TMEM97: variants seen among roughly 807,000 people sequenced by gnomAD.
TMEM97 encodes the protein transmembrane protein 97.
TMEM97 carries 13 observed loss-of-function variants against 18.3 expected under a neutral mutation model. The ratio of observed to expected loss-of-function variants is 0.71; its 90% confidence interval spans 0.46 to 1.13. The LOEUF (loss-of-function observed/expected upper bound fraction) is 1.13, where lower values mean the gene tolerates loss of function less well. Among genes scored for constraint, TMEM97 ranks in the 50% most tolerant of loss-of-function variants. TMEM97 has a pLI of 0.00. For synonymous variants in TMEM97, 76 were observed against 85.3 expected, an observed-to-expected ratio of 0.89 and a Z score of 0.60; for missense variants, 205 against 210.5, an observed-to-expected ratio of 0.97 and a Z score of 0.16.
rs782421030 is a variant in TMEM97, at chr17:28,326,701, T to C, written c.439T>C (p.Tyr147His). The C allele has an allele frequency of 2.5e-6, 4 of 1,614,146 alleles. No homozygotes were observed. The highest frequency in any genetic ancestry group is 3.4e-6 in the Non-Finnish European group (4 of 1,180,026). ...TGAACGGTTAACCCTTGTGTCTGTCTATGCCCCCTACTTACTCATCCCATT... is the reference window on the plus strand; with the variant it reads ...TGAACGGTTAACCCTTGTGTCTGTCCATGCCCCCTACTTACTCATCCCATT... ...LHERLTLVSV[Y>H]APYLLIPFIL... Residue 147 changes from tyrosine to histidine, a missense_variant, in exon 3 of 3, where the codon TAT becomes CAT. Transcript: ENST00000226230.
chr17:28,328,383 AAAAG>A lies in TMEM97; in HGVS notation c.*1591_*1594del, dbSNP rs1906464465. 2.9e-6 allele frequency: 1 copy of A among 343,784 alleles called. No homozygotes were observed. 21.3% of individuals were successfully genotyped at this position (343,784 alleles called of 1,614,324 possible). On this transcript the variant is annotated 3_prime_UTR_variant, in exon 3 of 3. Coordinates refer to ENST00000226230, the MANE Select transcript of TMEM97 (RefSeq NM_014573.3). ...TCCAAAGCTTTGTGAATTTACAAAA[AAAAG>A]GATGAAAGTTTACAAACTGCTTAGT...
At chr17:28,321,407 G>A (rs1252274254) in intron 1 of TMEM97, among the ~76,000 whole-genome samples, 1 of 152,136 alleles carries the variant, frequency 6.6e-6, no homozygotes, top group African/African-American at 2.4e-5. Context: ...ATATCATAAA[G>A]ATCCCATTTA....
At chr17:28,325,698 A>C in intron 2 of TMEM97, 51 bp downstream of exon 2, 1 of 1,610,918 alleles carries the variant, frequency 6.2e-7, no homozygotes, top group Non-Finnish European at 8.5e-7. Context: ...CAGGTCCCAG[A>C]AATCTTTTGG....
chr17:28,320,117 A>G (rs1170106665), intron 1 of TMEM97, among the ~76,000 whole-genome samples: 3 of 152,066 alleles, frequency 2.0e-5, no homozygotes, highest in Admixed American at 2.0e-4. Flanking sequence ...ACCTTCTTCC[A>G]TGGAATTCCT....
At chr17:28,322,229 T>C (rs1356907721) in intron 1 of TMEM97, among the ~76,000 whole-genome samples, 16 of 151,866 alleles carry the variant, frequency 1.1e-4, no homozygotes, top group Admixed American at 9.9e-4. Context: ...TTTATTTACT[T>C]TTTGTTTTTC....
intron 1 of TMEM97, 111 bp downstream of exon 1, chr17:28,319,476 G>T: frequency 4.5e-6 from 6 of 1,332,158 alleles, no homozygotes; most frequent in Non-Finnish European, 5.9e-6. Flanking sequence ...GCCTCTCTCG[G>T]GTCCTGCCCA....
rs918147520 is a variant in TMEM97, at chr17:28,319,473, T to G, written c.126+108T>G. ...GCACTCTGGGTTCCAGTTGCCTCTC[T>G]CGGGTCCTGCCCATGCCTCCCCCGC... On this transcript the variant is annotated intron_variant, in intron 1 of 2. Transcript: ENST00000226230. 7.4e-6 allele frequency: 10 copies of G among 1,351,790 alleles called. No homozygotes were observed. In the African/African-American group the frequency reaches 1.4e-4, roughly 18 times the overall value. The allele number at this position is 1,351,790 out of a possible 1,614,324, so 83.7% of individuals were successfully genotyped here. A position where few individuals can be genotyped will look rare whatever the true frequency, so the allele number is the denominator to read the frequency against.
chr17:28,325,610 G>C lies in TMEM97; in HGVS notation c.234G>C (p.Leu78=), dbSNP rs1906303133. 2 of 1,614,114 alleles carry C rather than the reference G, an allele frequency of 1.2e-6. No individual in the cohort carries two copies. The highest frequency in any genetic ancestry group is 1.3e-5 in the African/African-American group (1 of 74,936). The change falls in exon 2 of 3, where the codon CTG becomes CTC. Residue 78 remains leucine, a synonymous_variant. Coordinates refer to ENST00000226230, the MANE Select transcript of TMEM97 (RefSeq NM_014573.3). The part of the protein sequence containing the change: ...SFLFCELVFQ[L]PFFPIATYAF... ...TGTTTTGCGAGCTTGTGTTTCAGCT[G>C]CCTTTCTTTCCCATTGCAACGTATG... is the stretch of plus-strand genomic sequence containing the variant.
chr17:28,325,638 T>C lies in TMEM97; in HGVS notation c.262T>C (p.Phe88Leu), dbSNP rs782807447. 1.2e-6 allele frequency: 2 copies of C among 1,614,154 alleles called. No homozygotes were observed. Among genetic ancestry groups the C allele is most frequent in the South Asian group, 1.1e-5 (1 of 91,066 alleles). Residue 88 changes from phenylalanine to leucine, a missense_variant, in exon 2 of 3, where the codon TTC becomes CTC. Phe to Leu is a conservative substitution (Grantham distance 22, BLOSUM62 0). Coordinates refer to ENST00000226230, the MANE Select transcript of TMEM97 (RefSeq NM_014573.3). ...LPFFPIATYAFLKGSCKWIRT... is the reference protein window; with the variant it reads ...LPFFPIATYALLKGSCKWIRT... ...TTTCTTTCCCATTGCAACGTATGCC[T>C]TCCTCAAAGGTTGGTAAATGGTGGG...
intron 1 of TMEM97, among the ~76,000 whole-genome samples, chr17:28,323,181 A>G (rs567684196): frequency 2.0e-5 from 3 of 152,170 alleles, no homozygotes; most frequent in Non-Finnish European, 4.4e-5. Flanking sequence ...CCTACTCACA[A>G]TTAGTCCCAG....
intron 2 of TMEM97, chr17:28,325,910 A>G (rs1906315885): frequency 2.0e-6 from 1 of 495,050 alleles, no homozygotes; most frequent in African/African-American, 1.9e-5. Context: ...CACTTAAACA[A>G]TGAGCTTGTT....
intron 1 of TMEM97, among the ~76,000 whole-genome samples, chr17:28,325,244 AT>A (rs1906286216): frequency 6.6e-6 from 1 of 152,208 alleles, no homozygotes; most frequent in Non-Finnish European, 1.5e-5. Flanking sequence ...TTATGAACAG[AT>A]TCTGGGTAAC....
Position 28,328,010 on chromosome 17 carries a change from T to C in TMEM97, c.*1217T>C, listed in dbSNP as rs536121098. 3.3e-5 allele frequency: 5 copies of C among 152,740 alleles called. No homozygotes were observed. Among genetic ancestry groups the C allele is most frequent in the Non-Finnish European group, 7.3e-5 (5 of 68,142 alleles). The allele number at this position is 152,740 out of a possible 1,614,324, so 9.5% of individuals were successfully genotyped here. On this transcript the variant is annotated 3_prime_UTR_variant, in exon 3 of 3. Transcript: ENST00000226230. ...GGTGGCTACAGCCAGGCATAACATA[T>C]CCACTGTGTGCATAGAGGGTCTCTT...
chr17:28,324,331 A>C lies in TMEM97; in HGVS notation c.127-1172A>C, dbSNP rs1238315702. On this transcript the variant is annotated intron_variant, in intron 1 of 2. Coordinates refer to ENST00000226230, the MANE Select transcript of TMEM97 (RefSeq NM_014573.3). ...TAGCCAAAGCCTTTCTGAAATTAATAATATGCTAACAGGATATTTGTTTCT... is the reference window on the plus strand; with the variant it reads ...TAGCCAAAGCCTTTCTGAAATTAATCATATGCTAACAGGATATTTGTTTCT... 4.6e-5 allele frequency among the ~76,000 whole-genome samples: 7 copies of C among 152,254 alleles called. No homozygotes were observed. The East Asian group carries it at 1.3e-3, about 29-fold the overall frequency.
intron 1 of TMEM97, 43 bp from the exon 2 acceptor site, chr17:28,325,460 A>G (rs1906294561): frequency 6.2e-7 from 1 of 1,605,560 alleles, no homozygotes; most frequent in Admixed American, 1.7e-5. Flanking sequence ...GAGCCTGTTG[A>G]GGGCAAGTGG....
Position 28,326,965 on chromosome 17 carries a change from T to C in TMEM97, c.*172T>C. ...CATGTCAAACCCTCACCTTCTTCCA[T>C]TTTTTTTTTTTTTTTAAGACAGTCT... On this transcript the variant is annotated 3_prime_UTR_variant, in exon 3 of 3. Coordinates refer to ENST00000226230, the MANE Select transcript of TMEM97 (RefSeq NM_014573.3). 5.2e-6 allele frequency: 1 copy of C among 191,126 alleles called. No individual in the cohort carries two copies. Among genetic ancestry groups the C allele is most frequent in the Non-Finnish European group, 9.2e-6 (1 of 108,206 alleles). 11.8% of individuals were successfully genotyped at this position (191,126 alleles called of 1,614,324 possible).
At chr17:28,320,348 A>G (rs1906095244) in intron 1 of TMEM97, among the ~76,000 whole-genome samples, 1 of 152,174 alleles carries the variant, frequency 6.6e-6, no homozygotes. Context: ...CAAGGGGCCT[A>G]ACTCTCCCAA....
At chr17:28,324,028 T>C (rs1555575180) in intron 1 of TMEM97, among the ~76,000 whole-genome samples, 1 of 152,178 alleles carries the variant, frequency 6.6e-6, no homozygotes, top group Non-Finnish European at 1.5e-5. Flanking sequence ...AGTCAATCTT[T>C]TAAAGCAGGT....
intron 1 of TMEM97, among the ~76,000 whole-genome samples, chr17:28,321,834 G>GTGTT (rs1906156611): frequency 1.3e-5 from 2 of 151,122 alleles, no homozygotes; most frequent in African/African-American, 4.9e-5. Context: ...GTGTGTGTGT[G>GTGTT]TGTGTGTGTT....
Sources: gnomAD v4.1 joint callset for allele counts (sites outside exome capture counted in the v4.1 genomes callset) on GRCh38, gnomAD v4.1.1 for gene constraint, MANE v1.5 for transcripts, NCBI Gene and HGNC (gene_info 2026-07-23, HGNC 2026-07-21) for gene names.